Variants in CLEC2B observed in about 807,000 individuals in gnomAD.
CLEC2B encodes the protein C-type lectin domain family 2 member B, also known as C-type (calcium dependent, carbohydrate-recognition domain) lectin, superfamily member 2 (activation-induced).
CLEC2B carries 14 observed loss-of-function variants against 16.2 expected under a neutral mutation model. That is an observed-to-expected ratio of 0.86 (90% CI 0.57 to 1.35). The LOEUF is 1.35. Ranked by LOEUF, CLEC2B falls within the 40% of genes most tolerant of loss-of-function variation. The pLI is 0.00. For missense variants in CLEC2B, 166 were observed against 182.3 expected (o/e 0.91, Z 0.52); for synonymous variants, 42 against 55.8 (o/e 0.75, Z 1.10).
chr12:9,858,710 A>T lies in CLEC2B; in HGVS notation c.74-1073T>A, dbSNP rs57602079. Reference sequence around the variant, plus strand: ...TGTGTATATATATATGTATATAGGTATGTGTACATATAAGGGTGTATATAT... The same window carrying T: ...TGTGTATATATATATGTATATAGGTTTGTGTACATATAAGGGTGTATATAT... On this transcript the variant is annotated intron_variant, in intron 2 of 4. Coordinates refer to ENST00000228438, the MANE Select transcript of CLEC2B (RefSeq NM_005127.3). Among the ~76,000 whole-genome samples, 822 of 151,944 alleles carry T rather than the reference A, an allele frequency of 5.4e-3. 5 individuals carry two copies. The highest frequency in any genetic ancestry group is 0.019 in the African/African-American group (781 of 41,482).
At chr12:9,862,904 C>T (rs1330806394) in intron 1 of CLEC2B, among the ~76,000 whole-genome samples, 1 of 152,144 alleles carries the variant, frequency 6.6e-6, no homozygotes, top group African/African-American at 2.4e-5. Context: ...TAACCAGCTT[C>T]CCCACCAGCT....
At chr12:9,858,236 T>C (rs253155) in intron 2 of CLEC2B, among the ~76,000 whole-genome samples, 12,886 of 151,996 alleles carry the variant, frequency 0.085, 674 homozygotes, top group African/African-American at 0.14. Context: ...CCTGTTGCAG[T>C]CTTGGCAGCT....
chr12:9,856,422 T>C (rs747981802), intron 3 of CLEC2B, among the ~76,000 whole-genome samples: 1 of 152,100 alleles, frequency 6.6e-6, no homozygotes, highest in Non-Finnish European at 1.5e-5. Context: ...TGCACCTTAA[T>C]TCTTGATTTG....
chr12:9,856,392 C>T (rs1000525124), intron 3 of CLEC2B, among the ~76,000 whole-genome samples: 3 of 152,044 alleles, frequency 2.0e-5, no homozygotes, highest in African/African-American at 7.2e-5. Context: ...CTACAGAAGC[C>T]CTTCCTATGA....
In CLEC2B at chr12:9,853,176, GAC is replaced by G; in HGVS notation, c.*122_*123del. The G allele has an allele frequency of 1.4e-6, 1 of 729,630 alleles. No individual in the cohort carries two copies. Among genetic ancestry groups the G allele is most frequent in the South Asian group, 1.7e-5 (1 of 58,866 alleles). 45.2% of individuals were successfully genotyped at this position (729,630 alleles called of 1,614,324 possible). On this transcript the variant is annotated 3_prime_UTR_variant, in exon 5 of 5. Transcript: ENST00000228438. Reference sequence around the variant, plus strand: ...TTGAAGTGGCTTTTATGTGTAGCCTGACACGTAAGCAGAATTAACCAGACAGG... The same window carrying G: ...TTGAAGTGGCTTTTATGTGTAGCCTGACGTAAGCAGAATTAACCAGACAGG...
intron 1 of CLEC2B, among the ~76,000 whole-genome samples, chr12:9,866,847 A>G (rs531827699): frequency 6.6e-6 from 1 of 152,310 alleles, no homozygotes; most frequent in Admixed American, 6.5e-5. Context: ...AATAACTTCG[A>G]GCTAACAGGT....
intron 1 of CLEC2B, among the ~76,000 whole-genome samples, 199 bp downstream of exon 1, chr12:9,869,005 TG>T (rs1867994113): frequency 6.6e-6 from 1 of 152,188 alleles, no homozygotes; most frequent in Admixed American, 6.5e-5. Flanking sequence ...CCTTCTCCAT[TG>T]TAATTCAAAT....
chr12:9,866,973 G>A (rs1867975028), intron 1 of CLEC2B: 1 of 152,166 alleles, frequency 6.6e-6, no homozygotes, highest in Non-Finnish European at 1.5e-5. Flanking sequence ...ATAAGGACTT[G>A]GTGGTGTATA....
At chr12:9,862,374 C>T in intron 2 of CLEC2B, 125 bp downstream of exon 2, 1 of 847,398 alleles carries the variant, frequency 1.2e-6, no homozygotes. Flanking sequence ...TCATTTGTAC[C>T]AATTAAATGT....
chr12:9,855,080 A>G (rs1867885246), intron 3 of CLEC2B, among the ~76,000 whole-genome samples: 1 of 152,090 alleles, frequency 6.6e-6, no homozygotes, highest in African/African-American at 2.4e-5. Flanking sequence ...TGTTTAACTT[A>G]CCTCGACCTT....
chr12:9,866,350 A>T (rs185368062), intron 1 of CLEC2B, among the ~76,000 whole-genome samples: 95 of 152,228 alleles, frequency 6.2e-4, no homozygotes, highest in Non-Finnish European at 2.9e-5. Context: ...AAAAATATAG[A>T]TGTTAGAGAT....
chr12:9,855,019 T>C (rs919499680), intron 3 of CLEC2B, among the ~76,000 whole-genome samples: 3 of 152,198 alleles, frequency 2.0e-5, no homozygotes, highest in South Asian at 4.1e-4. Flanking sequence ...AATACATCAT[T>C]CAGAAATAAA....
chr12:9,857,568 T>C lies in CLEC2B; in HGVS notation c.143A>G (p.Tyr48Cys). ...CCAATCTCCTTCTTCTTTAGAGAAATAATAGCATTTGTTTTGGAAACCAAT... is the reference window on the plus strand; with the variant it reads ...CCAATCTCCTTCTTCTTTAGAGAAACAATAGCATTTGTTTTGGAAACCAAT... ...DWIGFQNKCY[Y>C]FSKEEGDWNS... The change falls in exon 3 of 5, where the codon TAT becomes TGT. Residue 48 changes from tyrosine to cysteine, a missense_variant. Coordinates refer to ENST00000228438, the MANE Select transcript of CLEC2B (RefSeq NM_005127.3). 1.2e-6 allele frequency: 2 copies of C among 1,611,140 alleles called. No homozygotes were observed. Among genetic ancestry groups the C allele is most frequent in the Non-Finnish European group, 1.7e-6 (2 of 1,177,808 alleles).
chr12:9,860,916 T>C (rs1309790902), intron 2 of CLEC2B, among the ~76,000 whole-genome samples: 1 of 151,902 alleles, frequency 6.6e-6, no homozygotes, highest in Non-Finnish European at 1.5e-5. Flanking sequence ...TGGGAAATAA[T>C]GCATCCTAAT....
At chr12:9,855,710 G>A (rs960876336) in intron 3 of CLEC2B, among the ~76,000 whole-genome samples, 1 of 151,904 alleles carries the variant, frequency 6.6e-6, no homozygotes, top group African/African-American at 2.4e-5. Context: ...TCCTAGTCCT[G>A]CTCTATGAAA....
intron 3 of CLEC2B, among the ~76,000 whole-genome samples, chr12:9,856,374 G>A (rs562110075): frequency 4.6e-5 from 7 of 152,158 alleles, no homozygotes; most frequent in African/African-American, 9.6e-5. Flanking sequence ...CAGCAGTGAC[G>A]TTATTGACTA....
intron 1 of CLEC2B, chr12:9,867,182 A>G (rs1448816363): frequency 6.6e-6 from 1 of 152,182 alleles, no homozygotes; most frequent in African/African-American, 2.4e-5. Context: ...GACCATTATA[A>G]CACTTTGGTG....
intron 1 of CLEC2B, among the ~76,000 whole-genome samples, chr12:9,863,276 A>AGCT (rs1357883079): frequency 1.3e-5 from 2 of 152,090 alleles, no homozygotes; most frequent in East Asian, 3.9e-4. Context: ...GCCGAAACCT[A>AGCT]GCTGCCGCCC....
At position 9,854,450 on chromosome 12, in the gene CLEC2B, T is replaced by A; in HGVS notation, c.272A>T (p.His91Leu). 2.5e-6 allele frequency: 4 copies of A among 1,613,408 alleles called. No individual in the cohort carries two copies. The highest frequency in any genetic ancestry group is 1.7e-4 in the Middle Eastern group (1 of 6,056). ...TTTTGCCATCTTCAGTCCAATCCAG[T>A]GATCAGAACTGCATTTATACCGCCT... The part of the protein sequence containing the change: ...FLRRYKCSSD[H>L]WIGLKMAKNR... Residue 91 changes from histidine (H) to leucine (L), a missense_variant, in exon 4 of 5, where the codon CAC (histidine) becomes CTC (leucine). Physicochemically the swap from His to Leu is moderately conservative, Grantham distance 99. Coordinates refer to ENST00000228438, the MANE Select transcript of CLEC2B (RefSeq NM_005127.3).
Sources: allele counts gnomAD v4.1 joint callset (sites outside exome capture counted in the v4.1 genomes callset), GRCh38; gene constraint gnomAD v4.1.1; transcripts MANE v1.5; gene names NCBI Gene and HGNC (gene_info 2026-07-23, HGNC 2026-07-21).